Variants in CCSER1 observed in about 807,000 individuals in gnomAD.
CCSER1 encodes the protein coiled-coil serine rich protein 1.
In CCSER1, 41 loss-of-function variants were observed where a neutral mutation model predicts 82.0. The ratio of observed to expected loss-of-function variants is 0.50; its 90% CI spans 0.39 to 0.65. CCSER1 has a LOEUF of 0.65. Ranked by LOEUF, CCSER1 falls within the 30% of genes least tolerant of loss-of-function variation. The pLI is 0.00. For missense variants in CCSER1, 1,119 were observed against 1,064.2 expected (o/e 1.05, Z -0.72); for synonymous variants, 414 against 383.9 (o/e 1.08, Z -0.92).
intron 10 of CCSER1, among the ~76,000 whole-genome samples, chr4:91,183,720 G>A (rs1021148621): frequency 6.6e-6 from 1 of 152,178 alleles, no homozygotes; most frequent in Admixed American, 6.5e-5. Context: ...TGAATGCTGA[G>A]TTGAAAAAAT....
At chr4:90,777,420 T>G (rs1222080456) in intron 7 of CCSER1, among the ~76,000 whole-genome samples, 1 of 150,644 alleles carries the variant, frequency 6.6e-6, no homozygotes, top group Non-Finnish European at 1.5e-5. Flanking sequence ...TCACACTTAG[T>G]ACTTCCTATT....
intron 10 of CCSER1, among the ~76,000 whole-genome samples, chr4:91,115,472 G>T (rs2148880546): frequency 6.6e-6 from 1 of 152,044 alleles, no homozygotes; most frequent in South Asian, 2.1e-4. Flanking sequence ...GACTACAGGT[G>T]TGCGCCACCA....
intron 9 of CCSER1, among the ~76,000 whole-genome samples, chr4:91,062,007 A>G (rs1743996843): frequency 6.6e-6 from 1 of 152,008 alleles, no homozygotes; most frequent in Non-Finnish European, 1.5e-5. Context: ...GCCATCCACA[A>G]TCTTAGTACA....
chr4:91,191,734 C>T (rs1009952246), intron 10 of CCSER1, among the ~76,000 whole-genome samples: 2 of 152,142 alleles, frequency 1.3e-5, no homozygotes, highest in African/African-American at 4.8e-5. Context: ...CTTGAAAGTG[C>T]TAACTTTATT....
chr4:91,165,009 G>T (rs1261644761), intron 10 of CCSER1, among the ~76,000 whole-genome samples: 1 of 152,180 alleles, frequency 6.6e-6, no homozygotes, highest in African/African-American at 2.4e-5. Flanking sequence ...AGGAGAAGAG[G>T]TGCTCTAATT....
chr4:91,437,685 C>A (rs1346560613), intron 10 of CCSER1, among the ~76,000 whole-genome samples: 1 of 152,230 alleles, frequency 6.6e-6, no homozygotes, highest in Non-Finnish European at 1.5e-5. Context: ...GGCATTGCCT[C>A]ACTCAGGAAG....
At chr4:90,484,492 T>C (rs574846707) in intron 5 of CCSER1, among the ~76,000 whole-genome samples, 35 of 152,286 alleles carry the variant, frequency 2.3e-4, no homozygotes, top group East Asian at 1.5e-3. Context: ...TTTTTCCCCA[T>C]CTTTGTGGTT....
At chr4:90,725,890 G>C (rs1036225032) in intron 7 of CCSER1, among the ~76,000 whole-genome samples, 4 of 151,720 alleles carry the variant, frequency 2.6e-5, no homozygotes, top group African/African-American at 9.7e-5. Flanking sequence ...TGAATAGCTA[G>C]GTAACTAGAA....
intron 3 of CCSER1, among the ~76,000 whole-genome samples, chr4:90,378,611 G>A (rs571946867): frequency 1.3e-5 from 2 of 152,272 alleles, no homozygotes; most frequent in African/African-American, 4.8e-5. Flanking sequence ...GAGGACATAA[G>A]CTTATTTTAC....
At chr4:90,817,007 A>T (rs1037157844) in intron 8 of CCSER1, among the ~76,000 whole-genome samples, 11 of 152,124 alleles carry the variant, frequency 7.2e-5, no homozygotes, top group East Asian at 5.8e-4. Context: ...TTAGCATAAG[A>T]ATAGTATCAC....
chr4:91,114,088 G>A lies in CCSER1; in HGVS notation c.2217+28094G>A, dbSNP rs183084414. On this transcript the variant is annotated intron_variant, in intron 10 of 10. Coordinates refer to ENST00000509176, the MANE Select transcript of CCSER1 (RefSeq NM_001145065.2). Reference sequence around the variant, plus strand: ...AGGATGGTCTCGATCTCCTGACCTCGTGATCCGCCCGTCTCGGCCTCCCGA... The same window carrying A: ...AGGATGGTCTCGATCTCCTGACCTCATGATCCGCCCGTCTCGGCCTCCCGA... Among the ~76,000 whole-genome samples the A allele has an allele frequency of 2.3e-3, 353 of 152,192 alleles. 1 individual carries two copies. The highest frequency in any genetic ancestry group is 7.3e-3 in the African/African-American group (305 of 41,540).
intron 6 of CCSER1, among the ~76,000 whole-genome samples, chr4:90,646,221 G>T (rs1250536427): frequency 6.6e-6 from 1 of 152,046 alleles, no homozygotes; most frequent in East Asian, 1.9e-4. Context: ...GGAATTTTGG[G>T]GGAAAAATAA....
chr4:90,183,444 T>G (rs892285406), intron 1 of CCSER1, among the ~76,000 whole-genome samples: 2 of 152,140 alleles, frequency 1.3e-5, no homozygotes, highest in Non-Finnish European at 2.9e-5. Context: ...GAGATTGGAA[T>G]CATAACAACT....
chr4:91,579,524 A>C (rs1032906635), intron 10 of CCSER1, among the ~76,000 whole-genome samples: 1 of 151,866 alleles, frequency 6.6e-6, no homozygotes, highest in Non-Finnish European at 1.5e-5. Context: ...TTTTATATAA[A>C]TGTTTCCATG....
intron 5 of CCSER1, among the ~76,000 whole-genome samples, chr4:90,503,126 G>A (rs914376103): frequency 3.3e-4 from 51 of 152,260 alleles, no homozygotes; most frequent in Non-Finnish European, 1.8e-4. Flanking sequence ...GCCAGGAATT[G>A]AACCCTAGCC....
intron 3 of CCSER1, among the ~76,000 whole-genome samples, chr4:90,377,887 T>C (rs916101313): frequency 2.0e-5 from 3 of 152,128 alleles, no homozygotes; most frequent in Non-Finnish European, 4.4e-5. Flanking sequence ...TTAAAAAATG[T>C]GTTTTTATTA....
chr4:91,470,569 G>C (rs1757219349), intron 10 of CCSER1, among the ~76,000 whole-genome samples: 1 of 152,094 alleles, frequency 6.6e-6, no homozygotes, highest in Non-Finnish European at 1.5e-5. Flanking sequence ...AAAGTGCTGG[G>C]ATTACAGACA....
chr4:91,116,005 C>G (rs371753778), intron 10 of CCSER1, among the ~76,000 whole-genome samples: 5 of 151,822 alleles, frequency 3.3e-5, no homozygotes, highest in South Asian at 2.1e-4. Flanking sequence ...TCCCTCCCCC[C>G]TGTCCCCACC....
At chr4:90,577,352 C>T (rs1780884479) in intron 5 of CCSER1, among the ~76,000 whole-genome samples, 1 of 151,968 alleles carries the variant, frequency 6.6e-6, no homozygotes, top group African/African-American at 2.4e-5. Context: ...GTGAGTGTCC[C>T]TGGATTTTTT....
Sources: gnomAD v4.1 joint callset for allele counts (sites outside exome capture counted in the v4.1 genomes callset) on GRCh38, gnomAD v4.1.1 for gene constraint, MANE v1.5 for transcripts, NCBI Gene and HGNC (gene_info 2026-07-23, HGNC 2026-07-21) for gene names.